The following CAMKMT variants were observed in gnomAD, a reference collection of about 807,000 sequenced individuals.
CAMKMT encodes the protein calmodulin-lysine N-methyltransferase, also known as CaM KMT.
A neutral mutation model predicts 48.0 loss-of-function variants in CAMKMT; 53 were observed. That is an observed-to-expected ratio of 1.10 (90% confidence interval 0.89 to 1.39). The LOEUF is 1.39. Among genes scored for constraint, CAMKMT ranks in the 40% most tolerant of loss-of-function variants. CAMKMT has a pLI of 0.00. For missense variants in CAMKMT, 428 were observed against 402.7 expected (o/e 1.06, Z -0.54); for synonymous variants, 165 against 152.3 (o/e 1.08, Z -0.61).
intron 3 of CAMKMT, among the ~76,000 whole-genome samples, chr2:44,517,714 C>T (rs776516183): frequency 5.9e-5 from 9 of 152,128 alleles, no homozygotes; most frequent in Non-Finnish European, 1.2e-4. Flanking sequence ...TTTTGACAGC[C>T]ATAAATATTT....
chr2:44,519,229 T>C (rs1231865633), intron 3 of CAMKMT, among the ~76,000 whole-genome samples: 1 of 152,218 alleles, frequency 6.6e-6, no homozygotes, highest in Non-Finnish European at 1.5e-5. Flanking sequence ...GTGAAATAGA[T>C]TGCTTTCTTC....
At chr2:44,622,114 G>T (rs1040246974) in intron 3 of CAMKMT, among the ~76,000 whole-genome samples, 3 of 152,160 alleles carry the variant, frequency 2.0e-5, no homozygotes, top group African/African-American at 7.2e-5. Flanking sequence ...ACAATCTCCA[G>T]GCACCCAAAG....
chr2:44,448,684 T>G (rs1067404), intron 3 of CAMKMT, among the ~76,000 whole-genome samples: 121,239 of 152,134 alleles, frequency 0.8, 48,799 homozygotes, highest in African/African-American at 0.91. Context: ...TCTGTAAACA[T>G]ATTTTTCACT....
intron 3 of CAMKMT, among the ~76,000 whole-genome samples, chr2:44,435,605 C>G (rs935673835): frequency 6.6e-6 from 1 of 152,152 alleles, no homozygotes; most frequent in African/African-American, 2.4e-5. Context: ...TAGATTCTGG[C>G]TTTCCAGTAG....
At chr2:44,547,990 G>C (rs146966186) in intron 3 of CAMKMT, among the ~76,000 whole-genome samples, 1 of 152,260 alleles carries the variant, frequency 6.6e-6, no homozygotes, top group East Asian at 1.9e-4. Flanking sequence ...AAATATCCTG[G>C]TAGAGAGTGG....
chr2:44,442,856 G>T (rs1325423379), intron 3 of CAMKMT, among the ~76,000 whole-genome samples: 1 of 152,138 alleles, frequency 6.6e-6, no homozygotes, highest in African/African-American at 2.4e-5. Flanking sequence ...TTAACATCTA[G>T]CACAGACCTA....
At chr2:44,551,887 C>T (rs1667733390) in intron 3 of CAMKMT, among the ~76,000 whole-genome samples, 2 of 152,124 alleles carry the variant, frequency 1.3e-5, no homozygotes, top group Admixed American at 6.6e-5. Flanking sequence ...ACCTTGTATA[C>T]CTATGGAGAG....
chr2:44,521,757 A>G (rs927486369), intron 3 of CAMKMT, among the ~76,000 whole-genome samples: 1 of 152,182 alleles, frequency 6.6e-6, no homozygotes, highest in Non-Finnish European at 1.5e-5. Flanking sequence ...GGGCTGACTG[A>G]GATGGGAGTA....
chr2:44,443,920 TAAAG>T (rs1484280843), intron 3 of CAMKMT, among the ~76,000 whole-genome samples: 3 of 151,426 alleles, frequency 2.0e-5, no homozygotes, highest in Non-Finnish European at 2.9e-5. Context: ...ATGAAACAAA[TAAAG>T]AAAAAGTGCA....
chr2:44,372,892 A>G lies in CAMKMT; in HGVS notation c.311+4A>G. 6.2e-7 allele frequency: 1 copy of G among 1,601,936 alleles called. No homozygotes were observed. Among genetic ancestry groups the G allele is most frequent in the Non-Finnish European group, 8.5e-7 (1 of 1,176,208 alleles). On this transcript the variant is annotated splice_donor_region_variant and intron_variant, in intron 2 of 10. Transcript: ENST00000378494. ...CTGAATACAGTATCTCCTTAAGGTA[A>G]CCATTATTCTAGTTAAGATTTTGTA...
chr2:44,560,482 G>T (rs1668264444), intron 3 of CAMKMT, among the ~76,000 whole-genome samples: 1 of 151,996 alleles, frequency 6.6e-6, no homozygotes. Context: ...ATATTGCCCA[G>T]GCAGGTCTCG....
At chr2:44,536,644 G>A (rs557734980) in intron 3 of CAMKMT, among the ~76,000 whole-genome samples, 7 of 151,684 alleles carry the variant, frequency 4.6e-5, no homozygotes, top group Non-Finnish European at 8.8e-5. Flanking sequence ...GTTATTTTTC[G>A]TAGAAATAGA....
intron 3 of CAMKMT, among the ~76,000 whole-genome samples, chr2:44,613,527 A>T (rs775896916): frequency 6.6e-6 from 1 of 152,212 alleles, no homozygotes; most frequent in Non-Finnish European, 1.5e-5. Context: ...ACCTTTGGCT[A>T]TATGCAAAGC....
chr2:44,597,960 C>A (rs952383317), intron 3 of CAMKMT, among the ~76,000 whole-genome samples: 1 of 152,260 alleles, frequency 6.6e-6, no homozygotes, highest in South Asian at 2.1e-4. Context: ...TGGTCTCGAA[C>A]TCCTGACCTT....
At chr2:44,640,698 A>T (rs1673402683) in intron 3 of CAMKMT, among the ~76,000 whole-genome samples, 2 of 152,204 alleles carry the variant, frequency 1.3e-5, no homozygotes, top group African/African-American at 2.4e-5. Flanking sequence ...TAGTACTACT[A>T]ATAATAATGT....
chr2:44,761,802 T>C (rs1219718414), intron 9 of CAMKMT, among the ~76,000 whole-genome samples: 3 of 152,208 alleles, frequency 2.0e-5, no homozygotes, highest in Non-Finnish European at 4.4e-5. Flanking sequence ...CGTGTGTGTG[T>C]GCTGCATTTG....
chr2:44,577,810 T>A (rs182166804), intron 3 of CAMKMT, among the ~76,000 whole-genome samples: 2 of 152,248 alleles, frequency 1.3e-5, no homozygotes, highest in African/African-American at 4.8e-5. Flanking sequence ...GGGGCTGCAG[T>A]GGACCCAATT....
At chr2:44,741,467 T>C (rs951079531) in intron 7 of CAMKMT, among the ~76,000 whole-genome samples, 8 of 152,254 alleles carry the variant, frequency 5.3e-5, no homozygotes, top group Non-Finnish European at 1.2e-4. Flanking sequence ...AGGAGATAGC[T>C]AGTGTTATCC....
At chr2:44,672,903 C>G (rs1254038224) in intron 3 of CAMKMT, among the ~76,000 whole-genome samples, 3 of 152,024 alleles carry the variant, frequency 2.0e-5, no homozygotes, top group African/African-American at 7.2e-5. Context: ...GGTAGCAGTT[C>G]TAATAAACAG....
Sources: allele counts gnomAD v4.1 joint callset (sites outside exome capture counted in the v4.1 genomes callset), GRCh38; gene constraint gnomAD v4.1.1; transcripts MANE v1.5; gene names NCBI Gene and HGNC (gene_info 2026-07-23, HGNC 2026-07-21).